Variants in MEF2C observed in about 807,000 individuals in gnomAD.
The protein encoded by MEF2C is myocyte-specific enhancer factor 2C.
A neutral mutation model predicts 50.5 loss-of-function variants in MEF2C; 6 were observed. The ratio of observed to expected loss-of-function variants is 0.12; its 90% CI spans 0.07 to 0.23. The LOEUF (loss-of-function observed/expected upper bound fraction) is 0.23. Ranked by LOEUF, MEF2C falls within the 10% of genes least tolerant of loss-of-function variation. The probability of loss-of-function intolerance (pLI) is 1.00; values close to 1 mark genes in which losing one functional copy is unlikely to be tolerated. For missense variants in MEF2C, 276 were observed against 605.0 expected (o/e 0.46, Z 5.70); for synonymous variants, 183 against 228.0 (o/e 0.80, Z 1.78).
In MEF2C at chr5:88,806,995, T is replaced by G. The variant is rs150691907; in HGVS notation, c.55-2194A>C. Among the ~76,000 whole-genome samples the G allele has an allele frequency of 7.0e-3, 1,061 of 152,312 alleles. 7 individuals carry two copies. The highest frequency in any genetic ancestry group is 0.014 in the Middle Eastern group (4 of 292). On this transcript the variant is annotated intron_variant, in intron 2 of 10. Coordinates refer to ENST00000504921, the MANE Select transcript of MEF2C (RefSeq NM_002397.5). The stretch of plus-strand genomic sequence containing the variant: ...ATGTGAAATCTTCAGAAAGATACAA[T>G]TGATGTATGTATATATGTGATAAAT...
rs755665375 is a variant in MEF2C at position 88,729,291 on chromosome 5, G to A, written c.891C>T (p.Ser297=). The A allele has an allele frequency of 2.5e-6, 4 of 1,612,578 alleles. No homozygotes were observed. Among genetic ancestry groups the A allele is most frequent in the East Asian group, 4.5e-5 (2 of 44,850 alleles). Residue 297 remains serine, a synonymous_variant, in exon 9 of 11, where the codon TCC becomes TCT. Transcript: ENST00000504921. The stretch of plus-strand genomic sequence containing the variant: ...GTCCTGGTAAAGTAGGAGTTGCTAC[G>A]GAAACCACTGGGGTAGCCAATGACT... ...SAQSLATPVV[S]VATPTLPGQG...
At chr5:88,883,186 A>C (rs1833491290), upstream of MEF2C, 1 of 143,686 alleles carries the variant, frequency 7.0e-6, no homozygotes. Context: ...TGTGACTGCG[A>C]GCAGAGCGAG....
chr5:88,837,232 C>T (rs1447961581), intron 1 of MEF2C, among the ~76,000 whole-genome samples: 1 of 152,020 alleles, frequency 6.6e-6, no homozygotes, highest in Non-Finnish European at 1.5e-5. Flanking sequence ...CAGACCAATA[C>T]TTGGCTCAGT....
At chr5:88,886,426 G>A (rs1834058497), upstream of MEF2C, among the ~76,000 whole-genome samples, 1 of 152,164 alleles carries the variant, frequency 6.6e-6, no homozygotes, top group African/African-American at 2.4e-5. Context: ...GGTGTCAGGA[G>A]ACCTGGATTC....
intron 1 of MEF2C, among the ~76,000 whole-genome samples, chr5:88,827,637 C>T (rs2153226697): frequency 6.6e-6 from 1 of 151,944 alleles, no homozygotes; most frequent in East Asian, 1.9e-4. Flanking sequence ...ATTATGATTG[C>T]TTTAAGAAAT....
At chr5:88,752,086 A>T in intron 4 of MEF2C, 43 bp from the exon 5 acceptor site, 1 of 1,529,752 alleles carries the variant, frequency 6.5e-7, no homozygotes. Flanking sequence ...GAAAAGAATT[A>T]ATAACAGAAG....
intron 1 of MEF2C, among the ~76,000 whole-genome samples, chr5:88,854,484 G>A (rs1403070708): frequency 6.6e-6 from 1 of 152,136 alleles, no homozygotes; most frequent in East Asian, 1.9e-4. Flanking sequence ...CACTCAAAAA[G>A]TTCTCTGAAA....
intron 3 of MEF2C, among the ~76,000 whole-genome samples, chr5:88,795,187 A>G (rs1795486236): frequency 6.6e-6 from 1 of 152,188 alleles, no homozygotes. Context: ...GAAGAAAGTC[A>G]ATGGTAGCTT....
chr5:88,731,626 T>C, intron 7 of MEF2C, 103 bp downstream of exon 7: 2 of 1,064,826 alleles, frequency 1.9e-6, no homozygotes, highest in Non-Finnish European at 2.8e-6. Context: ...ATGTTAATTT[T>C]CTGGGAGAAT....
chr5:88,866,859 T>C (rs302478), intron 1 of MEF2C, among the ~76,000 whole-genome samples: 4,741 of 152,322 alleles, frequency 0.031, 96 homozygotes, highest in Non-Finnish European at 0.049. Flanking sequence ...CTGAAATCCA[T>C]TTAATATTCA....
intron 1 of MEF2C, among the ~76,000 whole-genome samples, chr5:88,833,446 G>A (rs1367204818): frequency 2.6e-5 from 4 of 152,048 alleles, no homozygotes; most frequent in Non-Finnish European, 2.9e-5. Flanking sequence ...AAAATATCCT[G>A]TGGAAAAAAA....
intron 2 of MEF2C, among the ~76,000 whole-genome samples, chr5:88,808,824 C>A (rs761418058): frequency 6.6e-6 from 1 of 152,024 alleles, no homozygotes; most frequent in Non-Finnish European, 1.5e-5. Context: ...TTCAATTCTG[C>A]GCTTTTATAC....
chr5:88,891,351 A>T (rs190719229), intron 1 of MEF2C, among the ~76,000 whole-genome samples: 2 of 151,582 alleles, frequency 1.3e-5, no homozygotes, highest in East Asian at 3.9e-4. Context: ...TTATGATATA[A>T]CTAGGATGGA....
At chr5:88,742,171 T>C in intron 6 of MEF2C, 1 of 985,380 alleles carries the variant, frequency 1.0e-6, no homozygotes, top group Non-Finnish European at 1.2e-6. Flanking sequence ...AGGGGGTTTT[T>C]AACCAAATCC....
At chr5:88,812,265 A>C in intron 2 of MEF2C, among the ~76,000 whole-genome samples, 1 of 152,116 alleles carries the variant, frequency 6.6e-6, no homozygotes, top group East Asian at 1.9e-4. Flanking sequence ...ACCAATAATA[A>C]TACTTGGCTA....
chr5:88,740,005 A>G (rs1490977579), intron 6 of MEF2C: 5 of 985,266 alleles, frequency 5.1e-6, no homozygotes, highest in Non-Finnish European at 6.0e-6. Context: ...AACTTCTCTG[A>G]AACCTCAGTG....
At chr5:88,850,177 C>T (rs192515860) in intron 1 of MEF2C, among the ~76,000 whole-genome samples, 39 of 150,634 alleles carry the variant, frequency 2.6e-4, no homozygotes, top group Non-Finnish European at 4.4e-4. Context: ...TGAGTGAGAA[C>T]ATGCAGTGTT....
chr5:88,729,114 A>G, intron 9 of MEF2C, 104 bp downstream of exon 9: 1 of 1,327,466 alleles, frequency 7.5e-7, no homozygotes, highest in Non-Finnish European at 1.1e-6. Flanking sequence ...TGGACGGCGC[A>G]GGCCCTAAAT....
At chr5:88,726,705 T>C (rs1275770090) in intron 10 of MEF2C, among the ~76,000 whole-genome samples, 1 of 152,196 alleles carries the variant, frequency 6.6e-6, no homozygotes, top group Non-Finnish European at 1.5e-5. Context: ...CCTTTGGCTG[T>C]TGTAATTCAG....
Sources: allele counts gnomAD v4.1 joint callset (sites outside exome capture counted in the v4.1 genomes callset), GRCh38; gene constraint gnomAD v4.1.1; transcripts MANE v1.5; gene names NCBI Gene and HGNC (gene_info 2026-07-23, HGNC 2026-07-21).